XPNPEP1: variants seen among roughly 807,000 people sequenced by gnomAD.
XPNPEP1 encodes the protein X-prolyl aminopeptidase 1.
XPNPEP1 carries 39 observed loss-of-function variants against 92.4 expected under a neutral mutation model. The observed-to-expected ratio is 0.42, with a 90% CI of 0.33 to 0.55. The LOEUF is 0.55. Among genes scored for constraint, XPNPEP1 ranks in the 20% least tolerant of loss-of-function variants. The pLI, the probability that XPNPEP1 is intolerant of heterozygous loss-of-function variation, is 0.08. For synonymous variants in XPNPEP1, 307 were observed against 299.4 expected, an observed-to-expected ratio of 1.03 and a Z score of -0.26; for missense variants, 654 against 856.1, an observed-to-expected ratio of 0.76 and a Z score of 2.95.
Position 109,888,656 on chromosome 10 carries a change from A to G in XPNPEP1, c.416-61T>C, listed in dbSNP as rs1442976251. On this transcript the variant is annotated intron_variant, in intron 5 of 20. Coordinates refer to ENST00000502935, the MANE Select transcript of XPNPEP1 (RefSeq NM_020383.4). ...GTGGGCCCACGCTCATTATCCCACC[A>G]GAAAGATACAATTCTCTAACATCAT... The G allele has an allele frequency of 6.7e-6, 9 of 1,339,422 alleles. No individual in the cohort carries two copies. In the African/African-American group the frequency reaches 1.0e-4, roughly 15 times the overall value. 83.0% of individuals were successfully genotyped at this position (1,339,422 alleles called of 1,614,324 possible). A position where few individuals can be genotyped will look rare whatever the true frequency, so the allele number is the denominator to read the frequency against.
At position 109,868,796 on chromosome 10, in the gene XPNPEP1, C is replaced by A. The variant is rs573998483; in HGVS notation, c.1774-84G>T. On this transcript the variant is annotated intron_variant, in intron 19 of 20. Coordinates refer to ENST00000502935, the MANE Select transcript of XPNPEP1 (RefSeq NM_020383.4). The stretch of plus-strand genomic sequence containing the variant: ...TGAGGTCATTCCACCAGCATGCCAT[C>A]CCTCAGAGCCAGGGGTAACTGGGAG... 2.8e-3 allele frequency: 3,656 copies of A among 1,298,864 alleles called. 11 individuals carry two copies. The highest frequency in any genetic ancestry group is 3.5e-3 in the Non-Finnish European group (3,206 of 907,912). 80.5% of individuals were successfully genotyped at this position (1,298,864 alleles called of 1,614,324 possible). A position where few individuals can be genotyped will look rare whatever the true frequency, so the allele number is the denominator to read the frequency against.
rs1296891365 is a variant in XPNPEP1 at position 109,864,983 on chromosome 10, C to T, written c.*201G>A. 2 of 793,916 alleles carry T rather than the reference C, an allele frequency of 2.5e-6. No homozygotes were observed. Among genetic ancestry groups the T allele is most frequent in the East Asian group, 3.0e-5 (1 of 33,056 alleles). The allele number at this position is 793,916 out of a possible 1,614,324, so 49.2% of individuals were successfully genotyped here. A position where few individuals can be genotyped will look rare whatever the true frequency, so the allele number is the denominator to read the frequency against. ...AGCAATTTTATTCTTGGCTTGTTCT[C>T]AACAATTAAAAAATCATAAAAGACT... is the stretch of plus-strand genomic sequence containing the variant. On this transcript the variant is annotated 3_prime_UTR_variant, in exon 21 of 21. Coordinates refer to ENST00000502935, the MANE Select transcript of XPNPEP1 (RefSeq NM_020383.4).
chr10:109,879,190 C>A (rs1266116687), intron 12 of XPNPEP1, among the ~76,000 whole-genome samples: 1 of 151,506 alleles, frequency 6.6e-6, no homozygotes, highest in African/African-American at 2.4e-5. Context: ...TGCAGTGAGC[C>A]GAGATCGCTC....
chr10:109,922,988 C>G (rs1850633921), intron 1 of XPNPEP1, among the ~76,000 whole-genome samples: 2 of 152,200 alleles, frequency 1.3e-5, no homozygotes, highest in South Asian at 2.1e-4. Flanking sequence ...GAGATTGTAA[C>G]TTGAGGTTTA....
At chr10:109,914,984 C>CATCTAATT in intron 2 of XPNPEP1, 27 bp downstream of exon 2, 1 of 1,448,128 alleles carries the variant, frequency 6.9e-7, no homozygotes, top group Non-Finnish European at 9.3e-7. Context: ...ACAGATGTTC[C>CATCTAATT]ATCTAATTTC....
At chr10:109,874,459 T>C (rs1359356747) in intron 15 of XPNPEP1, among the ~76,000 whole-genome samples, 2 of 152,246 alleles carry the variant, frequency 1.3e-5, no homozygotes, top group African/African-American at 4.8e-5. Flanking sequence ...GGATAACTTC[T>C]AGAATCCTGC....
At chr10:109,914,426 C>T (rs1850057576) in intron 2 of XPNPEP1, among the ~76,000 whole-genome samples, 1 of 151,876 alleles carries the variant, frequency 6.6e-6, no homozygotes, top group Admixed American at 6.6e-5. Context: ...CCACCACCAC[C>T]ACTCTGACAA....
chr10:109,905,284 A>G (rs1261478551), intron 3 of XPNPEP1, among the ~76,000 whole-genome samples: 5 of 151,922 alleles, frequency 3.3e-5, no homozygotes, highest in Non-Finnish European at 5.9e-5. Context: ...CGGCCGGCTC[A>G]CTGTAACCTC....
intron 5 of XPNPEP1, among the ~76,000 whole-genome samples, chr10:109,888,823 C>A (rs988973177): frequency 2.0e-5 from 3 of 152,100 alleles, no homozygotes; most frequent in African/African-American, 7.2e-5. Flanking sequence ...AAGGGTGAGA[C>A]AGAAGGGAAA....
At chr10:109,880,157 TCCACA>T (rs758398449) in intron 12 of XPNPEP1, 26 bp downstream of exon 12, 5 of 1,608,814 alleles carry the variant, frequency 3.1e-6, no homozygotes, top group Non-Finnish European at 4.3e-6. Flanking sequence ...ATAATGTATA[TCCACA>T]TATTAAACAA....
intron 7 of XPNPEP1, 63 bp downstream of exon 7, chr10:109,887,986 A>T (rs1848487707): frequency 6.3e-7 from 1 of 1,593,350 alleles, no homozygotes; most frequent in Non-Finnish European, 8.6e-7. Context: ...GAGGCTGGAG[A>T]CAATAGCAAG....
At chr10:109,899,553 T>C (rs1421808064) in intron 3 of XPNPEP1, among the ~76,000 whole-genome samples, 1 of 152,220 alleles carries the variant, frequency 6.6e-6, no homozygotes, top group South Asian at 2.1e-4. Context: ...GCTAGCATTA[T>C]TCTAACACAA....
intron 1 of XPNPEP1, among the ~76,000 whole-genome samples, chr10:109,916,818 C>T (rs963016110): frequency 6.6e-6 from 1 of 151,954 alleles, no homozygotes; most frequent in African/African-American, 2.4e-5. Context: ...AAGGTTGGCT[C>T]AATATATGAA....
At chr10:109,871,462 C>G (rs537039857) in intron 17 of XPNPEP1, among the ~76,000 whole-genome samples, 3 of 152,332 alleles carry the variant, frequency 2.0e-5, no homozygotes, top group South Asian at 4.1e-4. Context: ...AAAGGGCAGA[C>G]AGGAGGCTGC....
At chr10:109,870,116 C>A in intron 18 of XPNPEP1, 87 bp from the exon 19 acceptor site, 1 of 1,426,738 alleles carries the variant, frequency 7.0e-7, no homozygotes, top group East Asian at 2.4e-5. Context: ...GATGACTGCC[C>A]TACTCCAAAG....
rs1380757282 is a variant in XPNPEP1 at position 109,877,812 on chromosome 10, T to G, written c.1297A>C (p.Asn433His). The G allele has an allele frequency of 1.9e-6, 3 of 1,614,096 alleles. No individual in the cohort carries two copies. The highest frequency in any genetic ancestry group is 2.7e-5 in the African/African-American group (2 of 74,918). ...TACGCGTAGTGAATGATGGCGCCGT[T>G]GGGTCCCGTACTGGAAATTGTTGGG... is the stretch of plus-strand genomic sequence containing the variant. ...SFPTISSTGPNGAIIHYAPVP... is the reference protein window; with the variant it reads ...SFPTISSTGPHGAIIHYAPVP... The change falls in exon 14 of 21, where the codon AAC becomes CAC. Residue 433 changes from asparagine to histidine, a missense_variant. Physicochemically the swap from Asn to His is moderately conservative, Grantham distance 68. Coordinates refer to ENST00000502935, the MANE Select transcript of XPNPEP1 (RefSeq NM_020383.4).
intron 2 of XPNPEP1, 53 bp from the exon 3 acceptor site, chr10:109,907,868 C>T (rs200344882): frequency 5.0e-6 from 8 of 1,605,790 alleles, no homozygotes; most frequent in South Asian, 1.1e-5. Flanking sequence ...AGCAATTCAA[C>T]GTCCAGTTCG....
At position 109,865,315 on chromosome 10, in the gene XPNPEP1, G is replaced by A. The variant is rs768090762; in HGVS notation, c.1873-3C>T. ...TGGTAATTGTTGAGCCAGTCGCACT[G>A]CAGGGAAGAGAAGGACAGACACGGT... On this transcript the variant is annotated splice_region_variant and splice_polypyrimidine_tract_variant and intron_variant, in intron 20 of 20. Transcript: ENST00000502935. 20 of 1,614,000 alleles carry A rather than the reference G, an allele frequency of 1.2e-5. No homozygotes were observed. The highest frequency in any genetic ancestry group is 1.7e-5 in the Admixed American group (1 of 60,012).
In XPNPEP1 at chr10:109,882,572, C is replaced by G. The variant is rs769162178; in HGVS notation, c.901G>C (p.Glu301Gln). 6.2e-7 allele frequency: 1 copy of G among 1,614,204 alleles called. No individual in the cohort carries two copies. The highest frequency in any genetic ancestry group is 8.5e-7 in the Non-Finnish European group (1 of 1,180,032). ...TGCACCTGGATCCTGTATTCGGCTT[C>G]CAGACCCAAGTCAAGAAGCAGGTGC... is the stretch of plus-strand genomic sequence containing the variant. ...KEHLLLDLGLEAEYRIQVHPY... is the reference protein window; with the variant it reads ...KEHLLLDLGLQAEYRIQVHPY... Residue 301 changes from glutamate to glutamine, a missense_variant, in exon 10 of 21, where the codon GAA becomes CAA. Coordinates refer to ENST00000502935, the MANE Select transcript of XPNPEP1 (RefSeq NM_020383.4).
Sources: allele counts gnomAD v4.1 joint callset (sites outside exome capture counted in the v4.1 genomes callset), GRCh38; gene constraint gnomAD v4.1.1; transcripts MANE v1.5; gene names NCBI Gene and HGNC (gene_info 2026-07-23, HGNC 2026-07-21).